The following NBEA variants were observed in gnomAD, a reference collection of about 807,000 sequenced individuals.
The protein encoded by NBEA is neurobeachin.
NBEA carries 44 observed loss-of-function variants against 343.4 expected under a neutral mutation model. That is an observed-to-expected ratio of 0.13 (90% CI 0.10 to 0.16). The LOEUF (loss-of-function observed/expected upper bound fraction) is 0.16, where lower values mean the gene tolerates loss of function less well. NBEA is among the 10% of genes least tolerant of loss of function. NBEA has a pLI of 1.00. For missense variants in NBEA, 2,555 were observed against 3,631.3 expected, an observed-to-expected ratio of 0.70 and a Z score of 7.62; for synonymous variants, 1,175 against 1,238.7, an observed-to-expected ratio of 0.95 and a Z score of 1.08.
At chr13:35,034,895 A>G (rs1325239350) in intron 1 of NBEA, among the ~76,000 whole-genome samples, 1 of 151,442 alleles carries the variant, frequency 6.6e-6, no homozygotes, top group Non-Finnish European at 1.5e-5. Flanking sequence ...TTTATTTCTG[A>G]TTTTATTTAT....
intron 44 of NBEA, among the ~76,000 whole-genome samples, chr13:35,563,055 G>A (rs2153023015): frequency 6.6e-6 from 1 of 151,820 alleles, no homozygotes; most frequent in South Asian, 2.1e-4. Flanking sequence ...TAGGCTTGCG[G>A]TATTTAATAT....
At chr13:35,355,659 C>G (rs2040452080) in intron 38 of NBEA, among the ~76,000 whole-genome samples, 1 of 152,064 alleles carries the variant, frequency 6.6e-6, no homozygotes, top group South Asian at 2.1e-4. Context: ...TTTGTTAACT[C>G]TTCAACCTCC....
intron 13 of NBEA, among the ~76,000 whole-genome samples, chr13:35,114,735 A>G (rs2066409929): frequency 6.6e-6 from 1 of 152,220 alleles, no homozygotes; most frequent in African/African-American, 2.4e-5. Context: ...TGAAAATGAC[A>G]GGAAAGTGGA....
At chr13:35,639,681 A>G (rs1209681902) in intron 49 of NBEA, among the ~76,000 whole-genome samples, 6 of 152,148 alleles carry the variant, frequency 3.9e-5, no homozygotes, top group Non-Finnish European at 5.9e-5. Flanking sequence ...TCAAGCAACC[A>G]CTTTTACTAC....
chr13:35,494,521 T>C (rs1594802157), intron 41 of NBEA, among the ~76,000 whole-genome samples: 3 of 152,108 alleles, frequency 2.0e-5, no homozygotes, highest in East Asian at 3.9e-4. Flanking sequence ...TAATATATTG[T>C]AAGCCCTAGA....
intron 36 of NBEA, among the ~76,000 whole-genome samples, chr13:35,315,090 T>C (rs2037630183): frequency 6.6e-6 from 1 of 152,232 alleles, no homozygotes; most frequent in Non-Finnish European, 1.5e-5. Flanking sequence ...TTTACAACTT[T>C]TTCATATGGC....
intron 41 of NBEA, chr13:35,475,101 T>C: frequency 2.5e-6 from 4 of 1,614,162 alleles, no homozygotes; most frequent in Non-Finnish European, 3.4e-6. Context: ...GGATCTCTCT[T>C]GCCAGTCGCC....
intron 1 of NBEA, among the ~76,000 whole-genome samples, chr13:35,032,459 G>C (rs1403166029): frequency 6.6e-6 from 1 of 151,782 alleles, no homozygotes; most frequent in Non-Finnish European, 1.5e-5. Context: ...CTTTTGAAAA[G>C]TGTCTGTTCA....
chr13:35,108,818 A>G (rs1427540766), intron 11 of NBEA, among the ~76,000 whole-genome samples: 2 of 152,118 alleles, frequency 1.3e-5, no homozygotes, highest in Non-Finnish European at 2.9e-5. Flanking sequence ...AAGCTGTGAA[A>G]GCATACTATA....
chr13:35,133,006 C>G (rs1224536325), intron 17 of NBEA, among the ~76,000 whole-genome samples: 1 of 151,960 alleles, frequency 6.6e-6, no homozygotes, highest in Non-Finnish European at 1.5e-5. Flanking sequence ...ATAAATCATA[C>G]AGCAAAAAGA....
intron 1 of NBEA, among the ~76,000 whole-genome samples, chr13:34,991,420 C>T (rs1187402193): frequency 1.3e-5 from 2 of 152,144 alleles, no homozygotes; most frequent in Admixed American, 1.3e-4. Flanking sequence ...GGGAAACAGG[C>T]ACATCTTCAC....
intron 17 of NBEA, among the ~76,000 whole-genome samples, chr13:35,133,636 T>C (rs1365209729): frequency 6.6e-6 from 1 of 152,004 alleles, no homozygotes; most frequent in Non-Finnish European, 1.5e-5. Flanking sequence ...TGAAAATGAA[T>C]GAAGTAAAGT....
rs546369594 is a variant in NBEA, at chr13:35,426,246, T to C, written c.6180-6023T>C. Among the ~76,000 whole-genome samples the C allele has an allele frequency of 9.3e-4, 141 of 152,346 alleles. 1 individual carries two copies. The Middle Eastern group carries it at 0.014, about 15-fold the overall frequency. ...TGATGCAGTTTCTTCCTAGCCTCGA[T>C]GTTCGTTACAATTTGGCATGTTTTT... On this transcript the variant is annotated intron_variant, in intron 38 of 58. Transcript: ENST00000379939.
intron 46 of NBEA, among the ~76,000 whole-genome samples, chr13:35,592,502 CAAGGA>C (rs1406893291): frequency 6.6e-6 from 1 of 152,026 alleles, no homozygotes. Context: ...CGTGGTAGCG[CAAGGA>C]AAGTTTTTCA....
At chr13:35,434,315 G>T (rs966880040) in intron 39 of NBEA, among the ~76,000 whole-genome samples, 1 of 152,064 alleles carries the variant, frequency 6.6e-6, no homozygotes, top group African/African-American at 2.4e-5. Context: ...GGTAAGAGGT[G>T]TGATACTAAA....
intron 1 of NBEA, among the ~76,000 whole-genome samples, chr13:34,991,083 G>C (rs1039352904): frequency 6.6e-6 from 1 of 152,188 alleles, no homozygotes; most frequent in South Asian, 2.1e-4. Context: ...ATCACTGTCA[G>C]CATTTTGGTA....
At chr13:35,340,548 T>A (rs1170704484) in intron 36 of NBEA, among the ~76,000 whole-genome samples, 1 of 152,078 alleles carries the variant, frequency 6.6e-6, no homozygotes, top group Non-Finnish European at 1.5e-5. Context: ...TGGATATTAG[T>A]GATAGTAGCA....
At chr13:35,092,360 G>A (rs2065128901) in intron 10 of NBEA, among the ~76,000 whole-genome samples, 1 of 151,920 alleles carries the variant, frequency 6.6e-6, no homozygotes, top group Non-Finnish European at 1.5e-5. Flanking sequence ...CACTAAAAAA[G>A]GGATAAATTT....
At chr13:35,401,375 A>G (rs1349775120) in intron 38 of NBEA, among the ~76,000 whole-genome samples, 2 of 152,160 alleles carry the variant, frequency 1.3e-5, no homozygotes, top group Admixed American at 1.3e-4. Flanking sequence ...CTCCCTGACA[A>G]CACATTACAA....
Sources: allele counts gnomAD v4.1 joint callset (sites outside exome capture counted in the v4.1 genomes callset), GRCh38; gene constraint gnomAD v4.1.1; transcripts MANE v1.5; gene names NCBI Gene and HGNC (gene_info 2026-07-23, HGNC 2026-07-21).